The following DST variants were observed in gnomAD, a reference collection of about 807,000 sequenced individuals.
The protein encoded by DST is bullous pemphigoid antigen.
DST carries 253 observed loss-of-function variants against 875.2 expected under a neutral mutation model. That is an observed-to-expected ratio of 0.29 (90% CI 0.26 to 0.32). The LOEUF (loss-of-function observed/expected upper bound fraction) is 0.32. Among genes scored for constraint, DST ranks in the 10% least tolerant of loss-of-function variants. The probability of loss-of-function intolerance (pLI) is 1.00; values close to 1 mark genes in which losing one functional copy is unlikely to be tolerated. For synonymous variants in DST, 3,124 were observed against 3,197.1 expected (o/e 0.98, Z 0.77); for missense variants, 8,287 against 9,111.6 (o/e 0.91, Z 3.68).
intron 2 of DST, among the ~76,000 whole-genome samples, chr6:56,909,369 A>C (rs974351571): frequency 2.0e-5 from 3 of 152,052 alleles, no homozygotes; most frequent in Non-Finnish European, 2.9e-5. Flanking sequence ...CCATTTCTGG[A>C]CCTAGCATAT....
At position 56,675,936 on chromosome 6, in the gene DST, T is replaced by C. The variant is rs578225326; in HGVS notation, c.1048-5129A>G. ...CATTTCTCAAAACAAGGCATACAAA[T>C]GGCCAACAGGTATATGAAAAAATGA... On this transcript the variant is annotated intron_variant, in intron 9 of 103. Transcript: ENST00000680361. 1.5e-4 allele frequency among the ~76,000 whole-genome samples: 23 copies of C among 152,110 alleles called. No individual in the cohort carries two copies. The South Asian group carries it at 4.8e-3, about 32-fold the overall frequency.
Position 56,602,911 on chromosome 6 carries a change from A to G in DST, c.11278T>C (p.Tyr3760His), listed in dbSNP as rs957533787. 5.8e-6 allele frequency: 9 copies of G among 1,560,112 alleles called. No individual in the cohort carries two copies. The highest frequency in any genetic ancestry group is 6.9e-6 in the Non-Finnish European group (8 of 1,162,402). Residue 3760 changes from tyrosine to histidine, a missense_variant, in exon 43 of 104, where the codon TAT becomes CAT. Tyr to His is a moderately conservative substitution (Grantham distance 83). Around this residue, in one of 10 missense-constraint regions of DST, gnomAD observed 3,138 missense variants for 3,116.6 expected, o/e 1.01. Transcript: ENST00000680361. ...AGAAACTCCAAACGTTTCTTTACATACTCAGAATCTTGAACATTCACAATC... is the reference window on the plus strand; with the variant it reads ...AGAAACTCCAAACGTTTCTTTACATGCTCAGAATCTTGAACATTCACAATC... ...IEIVNVQDSE[Y>H]VKKRLEFLKN...
chr6:56,817,369 CTT>C (rs2099767799), intron 4 of DST, among the ~76,000 whole-genome samples: 2 of 152,228 alleles, frequency 1.3e-5, no homozygotes, highest in South Asian at 2.1e-4. Context: ...GGCCATATGA[CTT>C]TATCTTACTT....
intron 5 of DST, among the ~76,000 whole-genome samples, chr6:56,722,803 G>A (rs376512837): frequency 2.6e-5 from 4 of 152,302 alleles, no homozygotes; most frequent in Admixed American, 1.3e-4. Context: ...ATGTACAAAG[G>A]CAGGGAGGTG....
chr6:56,882,087 A>T (rs575013949), intron 3 of DST, among the ~76,000 whole-genome samples: 1 of 152,202 alleles, frequency 6.6e-6, no homozygotes, highest in Non-Finnish European at 1.5e-5. Flanking sequence ...ATAATGTTTA[A>T]CCTTCTTGAA....
rs1212532131 is a variant in DST, at chr6:56,529,476, C to G, written c.17567G>C (p.Gly5856Ala). Reference protein sequence around the residue: ...KLSVQDYSTEGLWKQQSELRV... With the variant: ...KLSVQDYSTEALWKQQSELRV... ...AAGTTCAGACTGCTGCTTCCATAGC[C>G]CCTCAGTGCTGTAATCCTGGACTGA... Residue 5856 changes from glycine to alanine, a missense_variant, in exon 66 of 104, where the codon GGG becomes GCG. Gly to Ala is a moderately conservative substitution (Grantham distance 60, BLOSUM62 0). This residue lies in a region of DST where 777 missense variants were observed against 764.8 expected (regional missense o/e 1.02). Coordinates refer to ENST00000680361, the MANE Select transcript of DST (RefSeq NM_001374736.1). 1 of 1,523,194 alleles carries G rather than the reference C, an allele frequency of 6.6e-7. No homozygotes were observed. Among genetic ancestry groups the G allele is most frequent in the East Asian group, 2.3e-5 (1 of 42,708 alleles). 94.4% of individuals were successfully genotyped at this position (1,523,194 alleles called of 1,614,324 possible).
intron 55 of DST, among the ~76,000 whole-genome samples, chr6:56,564,093 T>C (rs367812777): frequency 1.3e-5 from 2 of 152,174 alleles, no homozygotes; most frequent in Admixed American, 6.5e-5. Context: ...TTTAAAGTAG[T>C]TTTTTCTAAT....
intron 4 of DST, among the ~76,000 whole-genome samples, chr6:56,766,332 C>A (rs2099633242): frequency 6.6e-6 from 1 of 152,146 alleles, no homozygotes; most frequent in African/African-American, 2.4e-5. Context: ...ATTCTTTCAA[C>A]AAGTAGTTTC....
rs145379564 is a variant in DST, at chr6:56,629,730, AAT to A, written c.4282-289_4282-288del. ...GCAAGTTTGCTACCTCCATTAATAAAATATGTCTTTTTCATTGTCTGCTTTTA... is the reference window on the plus strand; with the variant it reads ...GCAAGTTTGCTACCTCCATTAATAAAATGTCTTTTTCATTGTCTGCTTTTA... On this transcript the variant is annotated intron_variant, in intron 31 of 103. Coordinates refer to ENST00000680361, the MANE Select transcript of DST (RefSeq NM_001374736.1). 1.1e-4 allele frequency among the ~76,000 whole-genome samples: 17 copies of A among 152,286 alleles called. No homozygotes were observed. In the East Asian group the frequency reaches 2.5e-3, roughly 22 times the overall value.
intron 85 of DST, among the ~76,000 whole-genome samples, chr6:56,490,381 A>T (rs950569310): frequency 6.6e-6 from 1 of 151,962 alleles, no homozygotes; most frequent in East Asian, 1.9e-4. Context: ...GAAATTGGTT[A>T]TAAATTATTT....
chr6:56,942,620 G>C (rs2127790305), intron 2 of DST, among the ~76,000 whole-genome samples: 1 of 151,192 alleles, frequency 6.6e-6, no homozygotes, highest in South Asian at 2.1e-4. Context: ...TTACACTAAA[G>C]GTGTCAAACA....
chr6:56,625,205 T>G lies in DST; in HGVS notation c.4782A>C (p.Pro1594=). The G allele has an allele frequency of 6.2e-7, 1 of 1,613,678 alleles. No homozygotes were observed. The highest frequency in any genetic ancestry group is 8.5e-7 in the Non-Finnish European group (1 of 1,179,636). ...AACTCTGCATTCTTCGGCGTTTCAC[T>G]GGAGATTTTTGTTGTGAATCTACCA... The part of the protein sequence containing the change: ...RAMVDSQQKS[P]VKRRRMQSSA... Residue 1594 remains proline (P), a synonymous_variant, in exon 35 of 104, where the codon CCA becomes CCC. Transcript: ENST00000680361.
intron 2 of DST, among the ~76,000 whole-genome samples, chr6:56,945,162 T>C (rs2127798756): frequency 6.6e-6 from 1 of 152,382 alleles, no homozygotes; most frequent in East Asian, 1.9e-4. Context: ...TACTTAAATC[T>C]GAATGTCTCC....
At chr6:56,906,261 G>A (rs1420572529) in intron 2 of DST, among the ~76,000 whole-genome samples, 2 of 152,100 alleles carry the variant, frequency 1.3e-5, no homozygotes, top group Admixed American at 1.3e-4. Flanking sequence ...AAATTACTAG[G>A]CAGATACTCA....
At chr6:56,905,281 C>T (rs777223642) in intron 2 of DST, among the ~76,000 whole-genome samples, 16 of 152,066 alleles carry the variant, frequency 1.1e-4, no homozygotes, top group Admixed American at 2.0e-4. Flanking sequence ...ATCATGAGAT[C>T]TGCTCTCTTC....
chr6:56,663,973 T>TTTTTTA (rs2099058345), intron 10 of DST, among the ~76,000 whole-genome samples: 1 of 152,144 alleles, frequency 6.6e-6, no homozygotes, highest in Non-Finnish European at 1.5e-5. Flanking sequence ...TATGTTTAGC[T>TTTTTTA]TTTTTATTTT....
At chr6:56,579,381 T>C (rs1452484517) in intron 49 of DST, among the ~76,000 whole-genome samples, 1 of 152,216 alleles carries the variant, frequency 6.6e-6, no homozygotes, top group Non-Finnish European at 1.5e-5. Flanking sequence ...TGAGTCATGT[T>C]TATTTCTGTT....
chr6:56,604,089 T>G lies in DST; in HGVS notation c.10539A>C (p.Gln3513His). 4.4e-6 allele frequency: 7 copies of G among 1,579,176 alleles called. No homozygotes were observed. The highest frequency in any genetic ancestry group is 6.0e-6 in the Non-Finnish European group (7 of 1,160,126). ...EKIEHVGDFN[Q>H]KACSTSEMME... ...TCATCTCAGATGTAGAACATGCTTTTTGATTAAAGTCTCCAACATGTTCTA... is the reference window on the plus strand; with the variant it reads ...TCATCTCAGATGTAGAACATGCTTTGTGATTAAAGTCTCCAACATGTTCTA... The change falls in exon 40 of 104, where the codon CAA becomes CAC. Residue 3513 changes from glutamine to histidine, a missense_variant. This residue lies in a region of DST where 3,138 missense variants were observed against 3,116.6 expected (regional missense o/e 1.01). Transcript: ENST00000680361.
At chr6:56,726,929 T>C (rs1452909308) in intron 5 of DST, among the ~76,000 whole-genome samples, 2 of 152,228 alleles carry the variant, frequency 1.3e-5, no homozygotes, top group African/African-American at 2.4e-5. Context: ...CCTGTCCTTA[T>C]GCAGCTTTGA....
Sources: allele counts gnomAD v4.1 joint callset (sites outside exome capture counted in the v4.1 genomes callset), GRCh38; gene constraint gnomAD v4.1.1; regional missense constraint gnomAD v4.1.1; transcripts MANE v1.5; gene names NCBI Gene and HGNC (gene_info 2026-07-23, HGNC 2026-07-21).